The following P3H2 variants were observed in gnomAD, a reference collection of about 807,000 sequenced individuals.
P3H2 encodes the protein prolyl 3-hydroxylase 2.
In P3H2, 80 loss-of-function variants were observed where a neutral mutation model predicts 87.0. The observed-to-expected ratio is 0.92, with a 90% CI of 0.77 to 1.11. P3H2 has a LOEUF of 1.11. Ranked by LOEUF, P3H2 falls within the 50% of genes least tolerant of loss-of-function variation. P3H2 has a pLI of 0.00. For missense variants in P3H2, 1,001 were observed against 923.9 expected (o/e 1.08, Z -1.08); for synonymous variants, 367 against 359.3 (o/e 1.02, Z -0.24).
chr3:189,965,981 AAG>A (rs1722963391), intron 13 of P3H2, among the ~76,000 whole-genome samples: 1 of 150,168 alleles, frequency 6.7e-6, no homozygotes, highest in Non-Finnish European at 1.5e-5. Context: ...AAAAAAAAAA[AAG>A]AAAGAAAGAA....
At chr3:189,986,696 A>C in intron 6 of P3H2, 92 bp downstream of exon 6, 1 of 902,824 alleles carries the variant, frequency 1.1e-6, no homozygotes, top group Non-Finnish European at 1.8e-6. Context: ...TAGCTTTTTG[A>C]GGTAAATGGC....
At chr3:189,976,556 G>T (rs1324772919) in intron 8 of P3H2, among the ~76,000 whole-genome samples, 2 of 152,198 alleles carry the variant, frequency 1.3e-5, no homozygotes, top group Admixed American at 6.5e-5. Context: ...TACAATTCAA[G>T]GTGAGATGTG....
intron 1 of P3H2, among the ~76,000 whole-genome samples, chr3:190,006,243 A>G (rs189386885): frequency 7.2e-5 from 11 of 152,356 alleles, no homozygotes; most frequent in Admixed American, 7.2e-4. Context: ...AGTCTATAGA[A>G]GACTAGGGCT....
intron 1 of P3H2, among the ~76,000 whole-genome samples, chr3:190,014,415 C>A (rs566955799): frequency 6.6e-6 from 1 of 152,276 alleles, no homozygotes; most frequent in East Asian, 1.9e-4. Flanking sequence ...CTAGGATCAA[C>A]CTTGACAGAT....
rs1723959620 is a variant in P3H2, at chr3:189,993,979, G to A, written c.823+115C>T. 10 of 829,548 alleles carry A rather than the reference G, an allele frequency of 1.2e-5. No homozygotes were observed. In the East Asian group the frequency reaches 2.4e-4, roughly 20 times the overall value. The allele number at this position is 829,548 out of a possible 1,614,324, so 51.4% of individuals were successfully genotyped here. A position where few individuals can be genotyped will look rare whatever the true frequency, so the allele number is the denominator to read the frequency against. ...AGGAGATAGGCTGGGATAGACACAT[G>A]AGAGTCTTTTATTTTTACAGTATAT... On this transcript the variant is annotated intron_variant, in intron 3 of 14. Transcript: ENST00000319332.
intron 13 of P3H2, among the ~76,000 whole-genome samples, chr3:189,968,873 G>T (rs189563402): frequency 0.011 from 1,610 of 152,106 alleles, 22 homozygotes; most frequent in African/African-American, 0.037. Context: ...TCATATGTTT[G>T]TTGGCCTCAT....
chr3:190,120,238 C>G lies in P3H2; in HGVS notation c.480+14G>C, dbSNP rs1225591004. The G allele has an allele frequency of 2.5e-6, 4 of 1,607,146 alleles. No individual in the cohort carries two copies. Among genetic ancestry groups the G allele is most frequent in the Admixed American group, 1.7e-5 (1 of 59,286 alleles). ...CCGCAGGGGCTTTGCAGTGGAGGAG[C>G]GCTCTGTGGGTACCTTGATGTAGGC... On this transcript the variant is annotated intron_variant, in intron 1 of 14. Transcript: ENST00000319332.
chr3:190,027,967 C>CAA (rs10712952), intron 1 of P3H2, among the ~76,000 whole-genome samples: 1 of 136,756 alleles, frequency 7.3e-6, no homozygotes, highest in Non-Finnish European at 1.6e-5. Flanking sequence ...GACTCCATCG[C>CAA]AAAAAAAAAA....
At chr3:189,961,912 G>A (rs1444894631) in intron 14 of P3H2, among the ~76,000 whole-genome samples, 1 of 152,160 alleles carries the variant, frequency 6.6e-6, no homozygotes, top group Non-Finnish European at 1.5e-5. Context: ...TAGATTAAAT[G>A]TCTGCTGAAT....
At chr3:190,082,685 A>G (rs1040642669) in intron 1 of P3H2, among the ~76,000 whole-genome samples, 11 of 152,188 alleles carry the variant, frequency 7.2e-5, no homozygotes, top group African/African-American at 2.7e-4. Flanking sequence ...TGTATTTTCA[A>G]CCTTAGGATT....
intron 14 of P3H2, chr3:189,963,579 G>T (rs1047709687): frequency 4.3e-6 from 1 of 232,890 alleles, no homozygotes; most frequent in Non-Finnish European, 8.7e-6. Context: ...CGAGTAACTG[G>T]AACTACAGGC....
intron 1 of P3H2, among the ~76,000 whole-genome samples, chr3:190,092,416 C>T (rs1353903086): frequency 6.6e-6 from 1 of 152,132 alleles, no homozygotes. Flanking sequence ...AAAGCAAAAC[C>T]CTCCAAGAAG....
chr3:190,055,066 G>A (rs568731051), intron 1 of P3H2, among the ~76,000 whole-genome samples: 1 of 152,158 alleles, frequency 6.6e-6, no homozygotes, highest in African/African-American at 2.4e-5. Context: ...GTTCTCTGAG[G>A]GACAGGCCTC....
Position 190,027,975 on chromosome 3 carries a change from A to C in P3H2, c.481-32533T>G, listed in dbSNP as rs554951770. 2.0e-5 allele frequency among the ~76,000 whole-genome samples: 3 copies of C among 151,982 alleles called. No individual in the cohort carries two copies. In the South Asian group the frequency reaches 6.2e-4, roughly 32 times the overall value. On this transcript the variant is annotated intron_variant, in intron 1 of 14. Transcript: ENST00000319332. The stretch of plus-strand genomic sequence containing the variant: ...AGAGCAAGACTCCATCGCAAAAAAA[A>C]AAAAAATAAAGAACCAGGCTTCCAC...
chr3:190,115,387 A>AT (rs143076673), intron 1 of P3H2, among the ~76,000 whole-genome samples: 17,720 of 148,750 alleles, frequency 0.12, 1,174 homozygotes, highest in Middle Eastern at 0.22. Context: ...AATAAACAGC[A>AT]TTTTTTTTTC....
chr3:190,120,921 T>C, upstream of P3H2: 3 of 843,820 alleles, frequency 3.6e-6, no homozygotes, highest in Non-Finnish European at 5.1e-6. Context: ...GGCCAGCCGC[T>C]CTTAAAGGGA....
intron 1 of P3H2, among the ~76,000 whole-genome samples, chr3:190,016,697 A>C (rs1013742191): frequency 1.3e-5 from 2 of 152,162 alleles, no homozygotes; most frequent in Non-Finnish European, 2.9e-5. Context: ...TTTCCGTTGA[A>C]TCTGAGACTG....
chr3:189,963,766 A>C, intron 14 of P3H2, 192 bp downstream of exon 14: 1 of 660,430 alleles, frequency 1.5e-6, no homozygotes, highest in Non-Finnish European at 2.7e-6. Context: ...AATAAGCTCA[A>C]GACAGATTAG....
At chr3:190,009,512 C>T (rs1416439555) in intron 1 of P3H2, among the ~76,000 whole-genome samples, 1 of 152,224 alleles carries the variant, frequency 6.6e-6, no homozygotes, top group Non-Finnish European at 1.5e-5. Flanking sequence ...CATACTCACA[C>T]TCCAGCAGTT....
Sources: gnomAD v4.1 joint callset for allele counts (sites outside exome capture counted in the v4.1 genomes callset) on GRCh38, gnomAD v4.1.1 for gene constraint, MANE v1.5 for transcripts, NCBI Gene and HGNC (gene_info 2026-07-23, HGNC 2026-07-21) for gene names.